Variants in OR5V1 observed in about 807,000 individuals in gnomAD.
OR5V1 encodes olfactory receptor 5V1.
For synonymous variants in OR5V1, 134 were observed against 143.2 expected, an observed-to-expected ratio of 0.94 and a Z score of 0.46; for missense variants, 365 against 371.5, an observed-to-expected ratio of 0.98 and a Z score of 0.14.
Position 29,355,476 on chromosome 6 carries a change from T to C in OR5V1, c.720A>G (p.Thr240=), listed in dbSNP as rs1205180733. The change falls in exon 2 of 2, where the codon ACA becomes ACG. Residue 240 remains threonine (T), a synonymous_variant. Coordinates refer to ENST00000641768, the MANE Select transcript of OR5V1 (RefSeq NM_030876.6). ...SSEGRRKAFS[T]CASHLAIVFL... ...AGACAATGGCCAGGTGGGAGGCACA[T>C]GTAGAGAAGGCTTTTCGTCTTCCCT... 5.6e-6 allele frequency: 9 copies of C among 1,613,992 alleles called. No homozygotes were observed. In the South Asian group the frequency reaches 8.8e-5, roughly 16 times the overall value.
rs1380792902 is a variant in OR5V1, at chr6:29,354,930, AAGC to A, written c.*297_*299del. ...TTAATATACAGAAAGCAATATGAAA[AAGC>A]AGGGAAATTTTCAAGTGATGAAGTC... On this transcript the variant is annotated 3_prime_UTR_variant, in exon 2 of 2. Coordinates refer to ENST00000641768, the MANE Select transcript of OR5V1 (RefSeq NM_030876.6). The A allele has an allele frequency of 3.5e-6, 1 of 284,982 alleles. No individual in the cohort carries two copies. Among genetic ancestry groups the A allele is most frequent in the Admixed American group, 5.0e-5 (1 of 20,026 alleles). 17.7% of individuals were successfully genotyped at this position (284,982 alleles called of 1,614,324 possible). A position where few individuals can be genotyped will look rare whatever the true frequency, so the allele number is the denominator to read the frequency against.
At chr6:29,359,098 C>A (rs1778449007) in intron 1 of OR5V1, among the ~76,000 whole-genome samples, 2 of 151,922 alleles carry the variant, frequency 1.3e-5, no homozygotes, top group African/African-American at 4.8e-5. Flanking sequence ...GAAATAGAGG[C>A]ATTTGAGAGA....
At chr6:29,366,269 A>G (rs181104189) in intron 1 of OR5V1, among the ~76,000 whole-genome samples, 2 of 148,672 alleles carry the variant, frequency 1.3e-5, no homozygotes, top group African/African-American at 4.9e-5. Flanking sequence ...ATGTACACCT[A>G]TGTAACAAAC....
intron 1 of OR5V1, among the ~76,000 whole-genome samples, chr6:29,361,217 A>G (rs1275279658): frequency 6.6e-6 from 1 of 152,186 alleles, no homozygotes; most frequent in Non-Finnish European, 1.5e-5. Context: ...TAAGGTGTGA[A>G]GACAATATTA....
Position 29,356,169 on chromosome 6 carries a change from T to C in OR5V1, c.27A>G (p.Ile9Met). 1 of 1,586,594 alleles carries C rather than the reference T, an allele frequency of 6.3e-7. No homozygotes were observed. The highest frequency in any genetic ancestry group is 8.5e-7 in the Non-Finnish European group (1 of 1,170,004). The change falls in exon 2 of 2, where the codon ATA becomes ATG. Residue 9 changes from isoleucine to methionine, a missense_variant. Physicochemically the swap from Ile to Met is conservative, Grantham distance 10. Coordinates refer to ENST00000641768, the MANE Select transcript of OR5V1 (RefSeq NM_030876.6). ...AGAATCCCAAGATGATGAATTCAGTTATAGCTGTTTGATTCTTTCTTTCCA... is the reference window on the plus strand; with the variant it reads ...AGAATCCCAAGATGATGAATTCAGTCATAGCTGTTTGATTCTTTCTTTCCA... MERKNQTA[I>M]TEFIILGFSN...
chr6:29,356,289 G>C lies in OR5V1; in HGVS notation c.-82-12C>G. Reference sequence around the variant, plus strand: ...TGCAATAGCATGACCTGAAAAATAAGGGAAAAAACGGTTACAAATAAAAGT... The same window carrying C: ...TGCAATAGCATGACCTGAAAAATAACGGAAAAAACGGTTACAAATAAAAGT... On this transcript the variant is annotated splice_polypyrimidine_tract_variant and intron_variant, in intron 1 of 1. Transcript: ENST00000641768. 7.3e-7 allele frequency: 1 copy of C among 1,378,120 alleles called. No individual in the cohort carries two copies. Among genetic ancestry groups the C allele is most frequent in the Non-Finnish European group, 9.8e-7 (1 of 1,024,530 alleles). The allele number at this position is 1,378,120 out of a possible 1,614,324, so 85.4% of individuals were successfully genotyped here.
At chr6:29,358,841 G>A (rs543436068) in intron 1 of OR5V1, among the ~76,000 whole-genome samples, 9 of 152,310 alleles carry the variant, frequency 5.9e-5, no homozygotes, top group African/African-American at 2.2e-4. Flanking sequence ...CAAAGTTTCA[G>A]TTACACAGGA....
At chr6:29,367,460 A>C (rs1423466829) in intron 1 of OR5V1, among the ~76,000 whole-genome samples, 1 of 152,196 alleles carries the variant, frequency 6.6e-6, no homozygotes, top group Non-Finnish European at 1.5e-5. Flanking sequence ...CTACTGTTGG[A>C]ATATAAGGCA....
rs772474066 is a variant in OR5V1 at position 29,356,160 on chromosome 6, G to T, written c.36C>A (p.Phe12Leu). 1 of 1,602,976 alleles carries T rather than the reference G, an allele frequency of 6.2e-7. No homozygotes were observed. The highest frequency in any genetic ancestry group is 8.5e-7 in the Non-Finnish European group (1 of 1,175,930). Reference protein sequence around the residue: ...ERKNQTAITEFIILGFSNLNE... With the variant: ...ERKNQTAITELIILGFSNLNE... Reference sequence around the variant, plus strand: ...TTAGGTTGGAGAATCCCAAGATGATGAATTCAGTTATAGCTGTTTGATTCT... The same window carrying T: ...TTAGGTTGGAGAATCCCAAGATGATTAATTCAGTTATAGCTGTTTGATTCT... Residue 12 changes from phenylalanine (F) to leucine (L), a missense_variant, in exon 2 of 2, where the codon TTC becomes TTA. By Grantham distance (22) the Phe-to-Leu change is conservative. Coordinates refer to ENST00000641768, the MANE Select transcript of OR5V1 (RefSeq NM_030876.6).
intron 1 of OR5V1, among the ~76,000 whole-genome samples, chr6:29,363,683 C>T (rs551014936): frequency 6.6e-6 from 1 of 152,100 alleles, no homozygotes; most frequent in African/African-American, 2.4e-5. Context: ...ACATAAACAA[C>T]CAATGACAAA....
chr6:29,355,884 A>G lies in OR5V1; in HGVS notation c.312T>C (p.Phe104=). ...GACACTCTGATCCTACAAAGAAAAC[A>G]AATGCAAAAAGTTGAACCACACACC... ...YVGCVVQLFA[F]VFFVGSECLL... is the part of the protein sequence containing the mutation. Residue 104 remains phenylalanine (F), a synonymous_variant, in exon 2 of 2, where the codon TTT becomes TTC. Transcript: ENST00000641768. 1 of 1,614,048 alleles carries G rather than the reference A, an allele frequency of 6.2e-7. No homozygotes were observed. The highest frequency in any genetic ancestry group is 8.5e-7 in the Non-Finnish European group (1 of 1,179,968).
Position 29,355,649 on chromosome 6 carries a change from G to T in OR5V1, c.547C>A (p.Pro183Thr), listed in dbSNP as rs1222942055. The T allele has an allele frequency of 2.5e-6, 4 of 1,614,032 alleles. No individual in the cohort carries two copies. Among genetic ancestry groups the T allele is most frequent in the Non-Finnish European group, 3.4e-6 (4 of 1,179,924 alleles). Residue 183 changes from proline to threonine, a missense_variant, in exon 2 of 2, where the codon CCT becomes ACT. Transcript: ENST00000641768. The stretch of plus-strand genomic sequence containing the variant: ...TTTCCACAAGACAAGATCAGCAAAG[G>T]GGGGATGTCACAGAAGAAGTAATTA... ...QINYFFCDIP[P>T]LLILSCGNTS...
In OR5V1 at chr6:29,355,003, C is replaced by A. The variant is rs1382937437; in HGVS notation, c.*227G>T. The A allele has an allele frequency of 1.0e-5, 4 of 401,368 alleles. No homozygotes were observed. The highest frequency in any genetic ancestry group is 4.2e-5 in the Admixed American group (1 of 23,626). The allele number at this position is 401,368 out of a possible 1,614,324, so 24.9% of individuals were successfully genotyped here. On this transcript the variant is annotated 3_prime_UTR_variant, in exon 2 of 2. Transcript: ENST00000641768. ...GAAAGAGGGAAACAGTCTTTGAATGCAAAATTCAGGAATGGAAAAATAAAT... is the reference window on the plus strand; with the variant it reads ...GAAAGAGGGAAACAGTCTTTGAATGAAAAATTCAGGAATGGAAAAATAAAT...
In OR5V1 at chr6:29,356,129, A is replaced by G. The variant is rs1382150611; in HGVS notation, c.67T>C (p.Leu23=). ...IILGFSNLNE[L]QFLLFTIFFL... ...AAGATGGTGAATAGTAAAAACTGCA[A>G]TTCATTTAGGTTGGAGAATCCCAAG... Residue 23 remains leucine (L), a synonymous_variant, in exon 2 of 2, where the codon TTG becomes CTG. Coordinates refer to ENST00000641768, the MANE Select transcript of OR5V1 (RefSeq NM_030876.6). The G allele has an allele frequency of 1.2e-6, 2 of 1,611,890 alleles. No individual in the cohort carries two copies. The highest frequency in any genetic ancestry group is 2.2e-5 in the East Asian group (1 of 44,872).
In OR5V1 at chr6:29,355,038, A is replaced by G. The variant is rs1778184882; in HGVS notation, c.*192T>C. 1 of 432,896 alleles carries G rather than the reference A, an allele frequency of 2.3e-6. No individual in the cohort carries two copies. Among genetic ancestry groups the G allele is most frequent in the African/African-American group, 2.0e-5 (1 of 49,122 alleles). The allele number at this position is 432,896 out of a possible 1,614,324, so 26.8% of individuals were successfully genotyped here. Reference sequence around the variant, plus strand: ...GAATGGAAAAATAAATAAGAAGATAATATCTAAAGAGAGCAACATTGATAT... The same window carrying G: ...GAATGGAAAAATAAATAAGAAGATAGTATCTAAAGAGAGCAACATTGATAT... On this transcript the variant is annotated 3_prime_UTR_variant, in exon 2 of 2. Transcript: ENST00000641768.
rs1361998292 is a variant in OR5V1 at position 29,355,331 on chromosome 6, T to TCC, written c.864_865insGG (p.Ile289GlyfsTer5). Reference sequence around the variant, plus strand: ...ATGTCCTTATTCCTCAATGTGTAAATTATAGGGTTTAGCATGGGGGTAACA... The same window carrying TCC: ...ATGTCCTTATTCCTCAATGTGTAAATCCTATAGGGTTTAGCATGGGGGTAACA... On this transcript the variant is annotated frameshift_variant, in exon 2 of 2. Transcript: ENST00000641768. LOFTEE classifies it low-confidence loss of function (END_TRUNC). 1.2e-6 allele frequency: 2 copies of TCC among 1,613,852 alleles called. No individual in the cohort carries two copies.
In OR5V1 at chr6:29,355,203, A is replaced by G; in HGVS notation, c.*27T>C. On this transcript the variant is annotated 3_prime_UTR_variant, in exon 2 of 2. Transcript: ENST00000641768. Reference sequence around the variant, plus strand: ...TGACTGGTGAAAAAGTTAATTTTGTAGTATAAGATTATTGAACCTGTGAGG... The same window carrying G: ...TGACTGGTGAAAAAGTTAATTTTGTGGTATAAGATTATTGAACCTGTGAGG... The G allele has an allele frequency of 6.5e-7, 1 of 1,532,054 alleles. No individual in the cohort carries two copies. Among genetic ancestry groups the G allele is most frequent in the South Asian group, 1.3e-5 (1 of 75,434 alleles). The allele number at this position is 1,532,054 out of a possible 1,614,324, so 94.9% of individuals were successfully genotyped here.
chr6:29,363,672 CACATAA>C (rs1443901295), intron 1 of OR5V1, among the ~76,000 whole-genome samples: 2 of 152,126 alleles, frequency 1.3e-5, no homozygotes, highest in Non-Finnish European at 2.9e-5. Context: ...CATAATCTAT[CACATAA>C]ACAACCAATG....
chr6:29,361,380 T>TG (rs1485400947), intron 1 of OR5V1, among the ~76,000 whole-genome samples: 50 of 152,190 alleles, frequency 3.3e-4, no homozygotes, highest in Middle Eastern at 3.4e-3. Flanking sequence ...CCAGGAGACC[T>TG]TCCCCAACCT....
Sources: allele counts gnomAD v4.1 joint callset (sites outside exome capture counted in the v4.1 genomes callset), GRCh38; gene constraint gnomAD v4.1.1; transcripts MANE v1.5; gene names NCBI Gene and HGNC (gene_info 2026-07-23, HGNC 2026-07-21).